MYO5A: variants seen among roughly 807,000 people sequenced by gnomAD.
MYO5A encodes the protein myosin VA.
In MYO5A, 98 loss-of-function variants were observed where a neutral mutation model predicts 249.7. The observed-to-expected ratio is 0.39, with a 90% CI of 0.33 to 0.46. The LOEUF (loss-of-function observed/expected upper bound fraction) is 0.46, where lower values mean the gene tolerates loss of function less well. Among genes scored for constraint, MYO5A ranks in the 20% least tolerant of loss-of-function variants. The pLI, the probability that MYO5A is intolerant of heterozygous loss-of-function variation, is 0.98. For synonymous variants in MYO5A, 778 were observed against 810.6 expected (o/e 0.96, Z 0.68); for missense variants, 1,696 against 2,308.8 (o/e 0.73, Z 5.44).
chr15:52,497,340 A>G (rs1595793990), intron 1 of MYO5A, among the ~76,000 whole-genome samples: 2 of 152,304 alleles, frequency 1.3e-5, no homozygotes, highest in Admixed American at 1.3e-4. Context: ...ATTTCAAAAA[A>G]TATACGCAGA....
At chr15:52,344,673 C>G (rs1290720921) in intron 30 of MYO5A, among the ~76,000 whole-genome samples, 3 of 152,220 alleles carry the variant, frequency 2.0e-5, no homozygotes, top group Non-Finnish European at 4.4e-5. Context: ...ACAGCCAGGG[C>G]TAGCTTTCCA....
At chr15:52,510,707 AC>A (rs1221332894) in intron 1 of MYO5A, among the ~76,000 whole-genome samples, 1 of 152,146 alleles carries the variant, frequency 6.6e-6, no homozygotes, top group Non-Finnish European at 1.5e-5. Context: ...AAACAGTTTC[AC>A]CCCAAAACCA....
At chr15:52,436,602 T>C (rs556857570) in intron 1 of MYO5A, among the ~76,000 whole-genome samples, 1 of 152,364 alleles carries the variant, frequency 6.6e-6, no homozygotes, top group African/African-American at 2.4e-5. Context: ...TGTTCTTGTT[T>C]GTTTACTTAT....
chr15:52,315,090 A>C (rs2037933422), intron 40 of MYO5A, among the ~76,000 whole-genome samples: 1 of 152,238 alleles, frequency 6.6e-6, no homozygotes, highest in South Asian at 2.1e-4. Context: ...AATTTTAAAA[A>C]GTGGGACCAC....
At chr15:52,433,528 C>G (rs1316239908) in intron 1 of MYO5A, among the ~76,000 whole-genome samples, 1 of 147,020 alleles carries the variant, frequency 6.8e-6, no homozygotes, top group African/African-American at 2.5e-5. Context: ...TCAAGCAATT[C>G]TCCTGCCTCA....
intron 30 of MYO5A, among the ~76,000 whole-genome samples, chr15:52,346,057 T>C (rs1306078192): frequency 6.6e-6 from 1 of 152,212 alleles, no homozygotes; most frequent in East Asian, 1.9e-4. Context: ...CTACCTAAGA[T>C]TGTATGACCT....
chr15:52,381,781 C>T (rs908855028), intron 16 of MYO5A, among the ~76,000 whole-genome samples: 2 of 109,070 alleles, frequency 1.8e-5, no homozygotes, highest in African/African-American at 5.9e-5. Context: ...CTCTCTCTCT[C>T]TCACACACAC....
chr15:52,482,051 G>A (rs1445659365), intron 1 of MYO5A, among the ~76,000 whole-genome samples: 1 of 152,146 alleles, frequency 6.6e-6, no homozygotes, highest in Non-Finnish European at 1.5e-5. Context: ...TAATAAAGAG[G>A]AAGTGGCTAG....
chr15:52,397,745 C>T (rs1297887252), intron 9 of MYO5A, among the ~76,000 whole-genome samples: 1 of 152,182 alleles, frequency 6.6e-6, no homozygotes, highest in East Asian at 1.9e-4. Flanking sequence ...CATCTTCATT[C>T]ATTCAGTCAA....
At chr15:52,357,200 T>C (rs1402326709) in intron 25 of MYO5A, among the ~76,000 whole-genome samples, 2 of 152,132 alleles carry the variant, frequency 1.3e-5, no homozygotes, top group African/African-American at 2.4e-5. Flanking sequence ...TTATTTACAA[T>C]GTAAACATTC....
chr15:52,502,147 G>T (rs897544818), intron 1 of MYO5A, among the ~76,000 whole-genome samples: 4 of 152,086 alleles, frequency 2.6e-5, no homozygotes, highest in Non-Finnish European at 5.9e-5. Context: ...TCCGGGCATG[G>T]CGGCACACAC....
intron 40 of MYO5A, among the ~76,000 whole-genome samples, chr15:52,315,906 T>C (rs770445018): frequency 3.3e-5 from 5 of 152,016 alleles, no homozygotes; most frequent in Non-Finnish European, 7.4e-5. Flanking sequence ...TGGGCAAAAC[T>C]GAAAATTTCA....
intron 34 of MYO5A, among the ~76,000 whole-genome samples, chr15:52,335,760 A>C (rs968525998): frequency 2.0e-5 from 3 of 151,910 alleles, no homozygotes; most frequent in Non-Finnish European, 4.4e-5. Context: ...CATAATTCAT[A>C]TTTTTCTTTT....
chr15:52,528,870 C>A lies in MYO5A; in HGVS notation c.-64G>T, dbSNP rs1177628296. 2 of 1,410,808 alleles carry A rather than the reference C, an allele frequency of 1.4e-6. No homozygotes were observed. The highest frequency in any genetic ancestry group is 1.5e-5 in the South Asian group (1 of 68,072). The allele number at this position is 1,410,808 out of a possible 1,614,324, so 87.4% of individuals were successfully genotyped here. A position where few individuals can be genotyped will look rare whatever the true frequency, so the allele number is the denominator to read the frequency against. ...GGCCGCACCTCGCCTGGGCGGCCGC[C>A]CGAGCGGACTAGGAAGCGCCCGCAG... On this transcript the variant is annotated 5_prime_UTR_variant, in exon 1 of 42. Transcript: ENST00000399233.
rs796197192 is a variant in MYO5A at position 52,431,956 on chromosome 15, C to CA, written c.138+1218dup. ...TGGGTGACAAAGTGAGACCCTGCCTCAAAAAAAAATAAAAAAGGATAGGGA... is the reference window on the plus strand; with the variant it reads ...TGGGTGACAAAGTGAGACCCTGCCTCAAAAAAAAAATAAAAAAGGATAGGGA... On this transcript the variant is annotated intron_variant, in intron 2 of 41. Coordinates refer to ENST00000399233, the MANE Select transcript of MYO5A (RefSeq NM_001382347.1). Among the ~76,000 whole-genome samples the CA allele has an allele frequency of 2.0e-4, 29 of 146,450 alleles. No individual in the cohort carries two copies. In the East Asian group the frequency reaches 3.0e-3, roughly 15 times the overall value.
chr15:52,365,979 C>A (rs1246827779), intron 23 of MYO5A, among the ~76,000 whole-genome samples: 1 of 152,124 alleles, frequency 6.6e-6, no homozygotes, highest in Non-Finnish European at 1.5e-5. Context: ...TTTCTGGCTC[C>A]TTTTCTTTAC....
chr15:52,509,112 T>C (rs745843526), intron 1 of MYO5A, among the ~76,000 whole-genome samples: 3 of 152,022 alleles, frequency 2.0e-5, no homozygotes, highest in South Asian at 4.2e-4. Context: ...ACTGGGACTA[T>C]GGGCATGTGC....
At chr15:52,484,714 G>A (rs1309140586) in intron 1 of MYO5A, among the ~76,000 whole-genome samples, 2 of 151,976 alleles carry the variant, frequency 1.3e-5, no homozygotes, top group Non-Finnish European at 2.9e-5. Flanking sequence ...GCATGATCTC[G>A]GCTCACTGCA....
At position 52,314,241 on chromosome 15, in the gene MYO5A, A is replaced by G. The variant is rs771929278; in HGVS notation, c.5410-38T>C. ...AAATGATCAAAGTTTTTGGCATATT[A>G]TCAAATACACACTGGGTACCTATAA... On this transcript the variant is annotated intron_variant, in intron 40 of 41. Coordinates refer to ENST00000399233, the MANE Select transcript of MYO5A (RefSeq NM_001382347.1). 4 of 1,410,288 alleles carry G rather than the reference A, an allele frequency of 2.8e-6. No homozygotes were observed. In the Admixed American group the frequency reaches 6.7e-5, roughly 24 times the overall value. The allele number at this position is 1,410,288 out of a possible 1,614,324, so 87.4% of individuals were successfully genotyped here. A position where few individuals can be genotyped will look rare whatever the true frequency, so the allele number is the denominator to read the frequency against.
Sources: allele counts gnomAD v4.1 joint callset (sites outside exome capture counted in the v4.1 genomes callset), GRCh38; gene constraint gnomAD v4.1.1; transcripts MANE v1.5; gene names NCBI Gene and HGNC (gene_info 2026-07-23, HGNC 2026-07-21).